IGF1R: variants seen among roughly 807,000 people sequenced by gnomAD.
The protein encoded by IGF1R is insulin-like growth factor 1 receptor.
IGF1R carries 44 observed loss-of-function variants against 144.6 expected under a neutral mutation model. The ratio of observed to expected loss-of-function variants is 0.30; its 90% confidence interval spans 0.24 to 0.39. The LOEUF is 0.39. Ranked by LOEUF, IGF1R falls within the 10% of genes least tolerant of loss-of-function variation. The pLI, the probability that IGF1R is intolerant of heterozygous loss-of-function variation, is 1.00. For missense variants in IGF1R, 1,355 were observed against 1,833.7 expected (o/e 0.74, Z 4.77); for synonymous variants, 795 against 722.8 (o/e 1.10, Z -1.60).
chr15:98,916,437 T>C, intron 9 of IGF1R: 3 of 570,360 alleles, frequency 5.3e-6, no homozygotes, highest in South Asian at 2.0e-5. Flanking sequence ...AATTTTTGTA[T>C]TTTTAGTAGA....
intron 2 of IGF1R, among the ~76,000 whole-genome samples, chr15:98,716,663 G>A (rs1281211306): frequency 1.3e-5 from 2 of 152,162 alleles, no homozygotes; most frequent in East Asian, 1.9e-4. Context: ...ACTGCATTGC[G>A]GGAGTAGGCA....
At chr15:98,786,618 G>C (rs2056004146) in intron 2 of IGF1R, among the ~76,000 whole-genome samples, 2 of 152,208 alleles carry the variant, frequency 1.3e-5, no homozygotes, top group African/African-American at 4.8e-5. Flanking sequence ...TTTCTCTGTT[G>C]CCTCTAATAC....
chr15:98,887,278 ATG>A (rs775683697), intron 2 of IGF1R, among the ~76,000 whole-genome samples: 8 of 151,374 alleles, frequency 5.3e-5, no homozygotes, highest in Admixed American at 1.3e-4. Context: ...TACTGCTCAG[ATG>A]TGTGGGAAAT....
intron 2 of IGF1R, among the ~76,000 whole-genome samples, chr15:98,855,354 C>G (rs1395244915): frequency 1.3e-5 from 2 of 152,212 alleles, no homozygotes; most frequent in African/African-American, 2.4e-5. Context: ...AGTAGTAATA[C>G]CTTTTCCTTG....
intron 2 of IGF1R, among the ~76,000 whole-genome samples, chr15:98,863,900 A>G (rs904821288): frequency 3.3e-5 from 5 of 152,204 alleles, no homozygotes; most frequent in African/African-American, 9.7e-5. Flanking sequence ...ATCATGTGAC[A>G]TTTTATTTCT....
chr15:98,758,151 A>G (rs1219180306), intron 2 of IGF1R, among the ~76,000 whole-genome samples: 4 of 151,332 alleles, frequency 2.6e-5, no homozygotes, highest in South Asian at 2.1e-4. Flanking sequence ...TTAATCCTCC[A>G]GAATCTGATA....
At chr15:98,691,423 G>A (rs927447620) in intron 1 of IGF1R, among the ~76,000 whole-genome samples, 13 of 150,564 alleles carry the variant, frequency 8.6e-5, no homozygotes, top group Admixed American at 5.9e-4. Flanking sequence ...GAGTGCAATG[G>A]TGCAACCTCG....
chr15:98,787,723 G>A (rs1271041933), intron 2 of IGF1R, among the ~76,000 whole-genome samples: 6 of 152,184 alleles, frequency 3.9e-5, no homozygotes, highest in African/African-American at 1.4e-4. Context: ...GTACTTTGCA[G>A]AAACTTCTAT....
In IGF1R at chr15:98,809,911, G is replaced by C. The variant is rs2056549458; in HGVS notation, c.641-81414G>C. ...TCCCCGCACCCTGGGGTCTAGGTGG[G>C]GAAAGGAGAGGTGTATATGGGATAG... On this transcript the variant is annotated intron_variant, in intron 2 of 20. Transcript: ENST00000650285. 2.0e-5 allele frequency among the ~76,000 whole-genome samples: 3 copies of C among 152,286 alleles called. No individual in the cohort carries two copies. In the South Asian group the frequency reaches 6.2e-4, roughly 32 times the overall value.
chr15:98,653,404 A>G (rs1369229433), intron 1 of IGF1R, among the ~76,000 whole-genome samples: 3 of 152,230 alleles, frequency 2.0e-5, no homozygotes, highest in Non-Finnish European at 4.4e-5. Context: ...GATATGCCAC[A>G]TTGACCACAA....
chr15:98,892,339 G>A (rs575683472), intron 3 of IGF1R, among the ~76,000 whole-genome samples: 2 of 152,044 alleles, frequency 1.3e-5, no homozygotes, highest in South Asian at 2.1e-4. Flanking sequence ...ATCACTTGAG[G>A]TCAGAGTTTG....
At chr15:98,884,683 CAA>C (rs35707888) in intron 2 of IGF1R, among the ~76,000 whole-genome samples, 41 of 80,236 alleles carry the variant, frequency 5.1e-4, no homozygotes, top group African/African-American at 1.5e-3. Context: ...CACTCCGTCT[CAA>C]AAAAAAAAAA....
At chr15:98,908,451 G>A (rs45602637) in intron 5 of IGF1R, among the ~76,000 whole-genome samples, 147 of 152,174 alleles carry the variant, frequency 9.7e-4, no homozygotes, top group Non-Finnish European at 1.9e-3. Flanking sequence ...GGTAATAGTG[G>A]TCATAGAATT....
chr15:98,783,514 C>G (rs529529833), intron 2 of IGF1R, among the ~76,000 whole-genome samples: 1 of 152,240 alleles, frequency 6.6e-6, no homozygotes, highest in East Asian at 1.9e-4. Context: ...GAATGGTATT[C>G]TGTGGTGTAA....
In IGF1R at chr15:98,891,359, C is replaced by T. The variant is rs879702992; in HGVS notation, c.675C>T (p.Thr225=). The T allele has an allele frequency of 9.9e-6, 16 of 1,608,596 alleles. No individual in the cohort carries two copies. Among genetic ancestry groups the T allele is most frequent in the East Asian group, 2.2e-5 (1 of 44,890 alleles). ...GCACGTGTGGGAAGCGGGCGTGCAC[C>T]GAGAACAATGAGTGCTGCCACCCCG... ...CPSTCGKRAC[T]ENNECCHPEC... The change falls in exon 3 of 21, where the codon ACC becomes ACT. Residue 225 remains threonine, a synonymous_variant. Coordinates refer to ENST00000650285, the MANE Select transcript of IGF1R (RefSeq NM_000875.5). The surrounding 1 kb of genome is among the most constrained non-coding windows in gnomAD (Gnocchi z 4.7).
At chr15:98,831,181 T>C (rs1225512032) in intron 2 of IGF1R, among the ~76,000 whole-genome samples, 1 of 152,178 alleles carries the variant, frequency 6.6e-6, no homozygotes, top group Non-Finnish European at 1.5e-5. Context: ...TCAAACTATA[T>C]CTACGACCAA....
At chr15:98,812,225 G>T (rs994853138) in intron 2 of IGF1R, among the ~76,000 whole-genome samples, 1 of 152,110 alleles carries the variant, frequency 6.6e-6, no homozygotes, top group South Asian at 2.1e-4. Flanking sequence ...TTGTGTTATC[G>T]TCCTGAAGCT....
chr15:98,846,494 A>G (rs560858224), intron 2 of IGF1R, among the ~76,000 whole-genome samples: 3 of 152,358 alleles, frequency 2.0e-5, no homozygotes, highest in Non-Finnish European at 4.4e-5. Context: ...AAGTACAGGA[A>G]AAGTTAAGCT....
intron 1 of IGF1R, among the ~76,000 whole-genome samples, chr15:98,685,513 T>A (rs747329457): frequency 6.6e-6 from 1 of 152,190 alleles, no homozygotes. Flanking sequence ...CAGCCCACTC[T>A]ACTCTCTGTT....
Sources: gnomAD v4.1 joint callset for allele counts (sites outside exome capture counted in the v4.1 genomes callset) on GRCh38, gnomAD v4.1.1 for gene constraint, Gnocchi (gnomAD v3.1) non-coding constraint, MANE v1.5 for transcripts, NCBI Gene and HGNC (gene_info 2026-07-23, HGNC 2026-07-21) for gene names.